CDO1: variants seen among roughly 807,000 people sequenced by gnomAD.
The protein encoded by CDO1 is cysteine dioxygenase, type I.
Under a neutral mutation model 24.5 loss-of-function variants are expected in CDO1, and 19 were observed. That is an observed-to-expected ratio of 0.77 (90% CI 0.54 to 1.14). The LOEUF (loss-of-function observed/expected upper bound fraction) is 1.14, where lower values mean the gene tolerates loss of function less well. Among genes scored for constraint, CDO1 ranks in the 50% most tolerant of loss-of-function variants. The pLI is 0.00. For synonymous variants in CDO1, 91 were observed against 87.0 expected (o/e 1.05, Z -0.26); for missense variants, 244 against 244.8 (o/e 1.00, Z 0.02).
At chr5:115,811,355 T>TCTGGATA in intron 2 of CDO1, 40 bp from the exon 3 acceptor site, 1 of 1,527,722 alleles carries the variant, frequency 6.5e-7, no homozygotes, top group Non-Finnish European at 9.0e-7. Flanking sequence ...CAGTAGATGG[T>TCTGGATA]CTAGTATCCA....
At chr5:115,814,948 C>T (rs1410839440) in intron 1 of CDO1, among the ~76,000 whole-genome samples, 2 of 152,186 alleles carry the variant, frequency 1.3e-5, no homozygotes, top group African/African-American at 2.4e-5. Context: ...TCTCTGCTAG[C>T]TTTCACGGCT....
At chr5:115,815,627 GT>G (rs1760396412) in intron 1 of CDO1, among the ~76,000 whole-genome samples, 1 of 152,220 alleles carries the variant, frequency 6.6e-6, no homozygotes, top group South Asian at 2.1e-4. Context: ...TTTTACATGA[GT>G]AAAAATGCTT....
At chr5:115,809,133 T>C (rs1001042153) in intron 3 of CDO1, among the ~76,000 whole-genome samples, 42 of 152,272 alleles carry the variant, frequency 2.8e-4, no homozygotes, top group African/African-American at 9.6e-4. Flanking sequence ...ACACTGCAGG[T>C]CCACGCATCA....
At position 115,811,060 on chromosome 5, in the gene CDO1, A is replaced by G. The variant is rs41296575; in HGVS notation, c.403+101T>C. 2.2e-3 allele frequency: 2,396 copies of G among 1,087,390 alleles called. 8 individuals carry two copies. Among genetic ancestry groups the G allele is most frequent in the Admixed American group, 2.8e-3 (125 of 44,064 alleles). 67.4% of individuals were successfully genotyped at this position (1,087,390 alleles called of 1,614,324 possible). ...TCCCAAGTATTTTAAATCATGACTC[A>G]TGATCCAGGTTCTACTGCATAAAAA... On this transcript the variant is annotated intron_variant, in intron 3 of 4. Transcript: ENST00000250535.
At chr5:115,814,980 C>G (rs1373782976) in intron 1 of CDO1, among the ~76,000 whole-genome samples, 2 of 152,126 alleles carry the variant, frequency 1.3e-5, no homozygotes, top group Non-Finnish European at 2.9e-5. Flanking sequence ...CTACCATGAA[C>G]TAAGCTGATA....
intron 2 of CDO1, among the ~76,000 whole-genome samples, chr5:115,812,813 C>T (rs956360556): frequency 5.9e-5 from 9 of 151,812 alleles, no homozygotes; most frequent in Non-Finnish European, 1.2e-4. Context: ...TTTGGGATGC[C>T]GAGGTGAGTG....
Position 115,806,445 on chromosome 5 carries a change from T to G in CDO1, c.477A>C (p.Pro159=), listed in dbSNP as rs1759949381. Residue 159 remains proline, a synonymous_variant, in exon 4 of 5, where the codon CCA becomes CCC. Coordinates refer to ENST00000250535, the MANE Select transcript of CDO1 (RefSeq NM_001801.3). ...EPAVSLHLYS[P]PFDTCHAFDQ... ...CAAAGGCATGGCATGTATCAAAAGG[T>G]GGACTGTACAAGTGAAGGCTCACAG... is the stretch of plus-strand genomic sequence containing the variant. 1.2e-6 allele frequency: 2 copies of G among 1,612,426 alleles called. No homozygotes were observed. Among genetic ancestry groups the G allele is most frequent in the Non-Finnish European group, 1.7e-6 (2 of 1,179,334 alleles).
chr5:115,811,379 A>G lies in CDO1; in HGVS notation c.249-64T>C, dbSNP rs896786761. 338 of 1,247,612 alleles carry G rather than the reference A, an allele frequency of 2.7e-4. 2 individuals carry two copies. The highest frequency in any genetic ancestry group is 4.0e-5 in the Non-Finnish European group (35 of 868,896). 77.3% of individuals were successfully genotyped at this position (1,247,612 alleles called of 1,614,324 possible). ...GTCTAGTATCCAGACCTGCAGTAAC[A>G]GTCTTCCCAGAACTGACACCTGCAT... On this transcript the variant is annotated intron_variant, in intron 2 of 4. Coordinates refer to ENST00000250535, the MANE Select transcript of CDO1 (RefSeq NM_001801.3).
Position 115,813,251 on chromosome 5 carries a change from G to T in CDO1, c.178C>A (p.Arg60=). Residue 60 remains arginine (R), a synonymous_variant, in exon 2 of 5, where the codon CGA becomes AGA. Coordinates refer to ENST00000250535, the MANE Select transcript of CDO1 (RefSeq NM_001801.3). ...YAKFDQYRYT[R]NLVDQGNGKF... ...CCATTTCCTTGATCCACAAGATTTC[G>T]GGTATACCTAAAAAAAAACAATATA... 6.3e-7 allele frequency: 1 copy of T among 1,575,308 alleles called. No homozygotes were observed. The highest frequency in any genetic ancestry group is 8.7e-7 in the Non-Finnish European group (1 of 1,146,044).
chr5:115,809,518 C>A (rs1279611688), intron 3 of CDO1: 1 of 152,136 alleles, frequency 6.6e-6, no homozygotes, highest in Admixed American at 6.6e-5. Context: ...AGGCCCATAC[C>A]CTGAGCTCAC....
At position 115,814,877 on chromosome 5, in the gene CDO1, C is replaced by T. The variant is rs572360635; in HGVS notation, c.170+1351G>A. Among the ~76,000 whole-genome samples, 3 of 152,240 alleles carry T rather than the reference C, an allele frequency of 2.0e-5. No individual in the cohort carries two copies. The South Asian group carries it at 6.2e-4, about 32-fold the overall frequency. On this transcript the variant is annotated intron_variant, in intron 1 of 4. Transcript: ENST00000250535. ...TATGTGTCAAGTGTCTGGAAGAGTA[C>T]CTGTCCCATAACAAGTCTTCAATTA...
At position 115,816,400 on chromosome 5, in the gene CDO1, C is replaced by G. The variant is rs368836253; in HGVS notation, c.-3G>C. On this transcript the variant is annotated 5_prime_UTR_variant, in exon 1 of 5. Coordinates refer to ENST00000250535, the MANE Select transcript of CDO1 (RefSeq NM_001801.3). Reference sequence around the variant, plus strand: ...TTCAGCACTTCGGTCTGTTCCATCTCGTGGGGAGCTGGCTGCGCGCGCGTC... The same window carrying G: ...TTCAGCACTTCGGTCTGTTCCATCTGGTGGGGAGCTGGCTGCGCGCGCGTC... The G allele has an allele frequency of 3.1e-6, 5 of 1,612,020 alleles. No homozygotes were observed. Among genetic ancestry groups the G allele is most frequent in the African/African-American group, 1.3e-5 (1 of 74,920 alleles).
At position 115,811,220 on chromosome 5, in the gene CDO1, T is replaced by C. The variant is rs1760173747; in HGVS notation, c.344A>G (p.Asn115Ser). 1.2e-6 allele frequency: 2 copies of C among 1,613,800 alleles called. No homozygotes were observed. The highest frequency in any genetic ancestry group is 1.7e-5 in the Admixed American group (1 of 60,026). The change falls in exon 3 of 5, where the codon AAT becomes AGT. Residue 115 changes from asparagine (N) to serine (S), a missense_variant. Coordinates refer to ENST00000250535, the MANE Select transcript of CDO1 (RefSeq NM_001801.3). ...TCTTTCAGACTTCTTGACCATCTCATTGGATTTTTTGTCAGGCCAGGCAAA... is the reference window on the plus strand; with the variant it reads ...TCTTTCAGACTTCTTGACCATCTCACTGGATTTTTTGTCAGGCCAGGCAAA... ...TLFAWPDKKS[N>S]EMVKKSERVL...
chr5:115,815,457 C>G (rs1358579505), intron 1 of CDO1, among the ~76,000 whole-genome samples: 1 of 152,012 alleles, frequency 6.6e-6, no homozygotes, highest in Admixed American at 6.6e-5. Flanking sequence ...TAAGATAAAT[C>G]AGATCATTTG....
At position 115,811,287 on chromosome 5, in the gene CDO1, A is replaced by G. The variant is rs753589000; in HGVS notation, c.277T>C (p.Cys93Arg). 1.9e-6 allele frequency: 3 copies of G among 1,613,332 alleles called. No individual in the cohort carries two copies. In the East Asian group the frequency reaches 6.7e-5, roughly 36 times the overall value. The change falls in exon 3 of 5, where the codon TGC becomes CGC. Residue 93 changes from cysteine to arginine, a missense_variant. Physicochemically the swap from Cys to Arg is radical, Grantham distance 180. Transcript: ENST00000250535. ...TTTCCCTGTAGCATCTTCAGAAAGC[A>G]GTGGGAGTTGGTATGATCATGAATA... ...SSIHDHTNSH[C>R]FLKMLQGNLK...
chr5:115,811,243 A>G lies in CDO1; in HGVS notation c.321T>C (p.Phe107=). 1 of 1,613,622 alleles carries G rather than the reference A, an allele frequency of 6.2e-7. No individual in the cohort carries two copies. Among genetic ancestry groups the G allele is most frequent in the Non-Finnish European group, 8.5e-7 (1 of 1,179,602 alleles). Residue 107 remains phenylalanine (F), a synonymous_variant, in exon 3 of 5, where the codon TTT becomes TTC. Transcript: ENST00000250535. ...CATTGGATTTTTTGTCAGGCCAGGCAAATAATGTCTCCTTTAGATTTCCCT... is the reference window on the plus strand; with the variant it reads ...CATTGGATTTTTTGTCAGGCCAGGCGAATAATGTCTCCTTTAGATTTCCCT... The part of the protein sequence containing the change: ...MLQGNLKETL[F]AWPDKKSNEM...
At chr5:115,805,588 T>C in intron 4 of CDO1, 126 bp from the exon 5 acceptor site, 1 of 754,308 alleles carries the variant, frequency 1.3e-6, no homozygotes, top group East Asian at 2.6e-5. Flanking sequence ...AGCCTTGTTG[T>C]TTTTCCCGCA....
rs558231168 is a variant in CDO1 at position 115,804,818 on chromosome 5, G to C, written c.*615C>G. On this transcript the variant is annotated 3_prime_UTR_variant, in exon 5 of 5. Transcript: ENST00000250535. ...CTATGACCATGGGACACAGACATGA[G>C]TTTATGTTTTGGTTTGTTGTGGTCT... The C allele has an allele frequency of 1.3e-5, 2 of 152,214 alleles. No homozygotes were observed. Among genetic ancestry groups the C allele is most frequent in the African/African-American group, 4.8e-5 (2 of 41,520 alleles). The allele number at this position is 152,214 out of a possible 1,614,324, so 9.4% of individuals were successfully genotyped here.
At chr5:115,806,315 C>G (rs1759942269) in intron 4 of CDO1, 34 bp downstream of exon 4, 1 of 1,527,812 alleles carries the variant, frequency 6.5e-7, no homozygotes, top group African/African-American at 1.4e-5. Flanking sequence ...TGCCAACCTA[C>G]AGAGCATTTA....
Sources: gnomAD v4.1 joint callset for allele counts (sites outside exome capture counted in the v4.1 genomes callset) on GRCh38, gnomAD v4.1.1 for gene constraint, MANE v1.5 for transcripts, NCBI Gene and HGNC (gene_info 2026-07-23, HGNC 2026-07-21) for gene names.